AGGF1: variants seen among roughly 807,000 people sequenced by gnomAD.
AGGF1 encodes angiogenic factor with G patch and FHA domains 1.
AGGF1 carries 56 observed loss-of-function variants against 86.5 expected under a neutral mutation model. The ratio of observed to expected loss-of-function variants is 0.65; its 90% CI spans 0.52 to 0.81. AGGF1 has a LOEUF of 0.81. Ranked by LOEUF, AGGF1 falls within the 30% of genes least tolerant of loss-of-function variation. The pLI is 0.00. For missense variants in AGGF1, 816 were observed against 850.9 expected (o/e 0.96, Z 0.51); for synonymous variants, 313 against 297.1 (o/e 1.05, Z -0.55).
chr5:77,042,191 A>G (rs1311596611), intron 5 of AGGF1, among the ~76,000 whole-genome samples: 2 of 148,838 alleles, frequency 1.3e-5, no homozygotes, highest in African/African-American at 2.5e-5. Context: ...GAACAAAATG[A>G]AGTCTCCCAT....
In AGGF1 at chr5:77,064,133, T is replaced by C. The variant is rs1742739963; in HGVS notation, c.*881T>C. 1 of 152,656 alleles carries C rather than the reference T, an allele frequency of 6.6e-6. No individual in the cohort carries two copies. The highest frequency in any genetic ancestry group is 1.5e-5 in the Non-Finnish European group (1 of 68,046). 9.5% of individuals were successfully genotyped at this position (152,656 alleles called of 1,614,324 possible). On this transcript the variant is annotated 3_prime_UTR_variant, in exon 14 of 14. Coordinates refer to ENST00000312916, the MANE Select transcript of AGGF1 (RefSeq NM_018046.5). ...TGAACCGGTGATTTAAATGTATTGA[T>C]CTGCTTTGAATTTTCAAGCAGCCAG... is the stretch of plus-strand genomic sequence containing the variant.
At chr5:77,054,190 C>G (rs1307477759) in intron 10 of AGGF1, 60 bp downstream of exon 10, 1 of 1,595,578 alleles carries the variant, frequency 6.3e-7, no homozygotes. Flanking sequence ...CCTAAATGTT[C>G]TAAAAAACAT....
intron 11 of AGGF1, among the ~76,000 whole-genome samples, chr5:77,058,908 A>G (rs1049240171): frequency 6.6e-6 from 1 of 152,204 alleles, no homozygotes; most frequent in African/African-American, 2.4e-5. Context: ...TCCATTACCT[A>G]GCATGGAGCT....
At position 77,034,513 on chromosome 5, in the gene AGGF1, A is replaced by C; in HGVS notation, c.306A>C (p.Ser102=). 1 of 1,604,444 alleles carries C rather than the reference A, an allele frequency of 6.2e-7. No individual in the cohort carries two copies. The highest frequency in any genetic ancestry group is 2.2e-5 in the East Asian group (1 of 44,724). Residue 102 remains serine, a synonymous_variant, in exon 2 of 14, where the codon TCA becomes TCC. Coordinates refer to ENST00000312916, the MANE Select transcript of AGGF1 (RefSeq NM_018046.5). ...EVQTENHAPW[S]ISDYFYQTYY... Reference sequence around the variant, plus strand: ...AAACAGAGAACCATGCTCCTTGGTCAATCTCAGGTATTTAGCTTATAGTGA... The same window carrying C: ...AAACAGAGAACCATGCTCCTTGGTCCATCTCAGGTATTTAGCTTATAGTGA...
chr5:77,056,226 CT>C (rs770417117), intron 11 of AGGF1, among the ~76,000 whole-genome samples: 103 of 104,504 alleles, frequency 9.9e-4, no homozygotes, highest in South Asian at 3.9e-3. Context: ...AAAGAGTGGT[CT>C]TTTTTTTTTT....
At chr5:77,047,575 G>A (rs1027747227) in intron 6 of AGGF1, among the ~76,000 whole-genome samples, 7 of 150,608 alleles carry the variant, frequency 4.6e-5, no homozygotes, top group East Asian at 2.0e-4. Flanking sequence ...GTGCAGTGGC[G>A]CAGTCTCGGC....
At chr5:77,059,550 A>G in intron 11 of AGGF1, 66 bp from the exon 12 acceptor site, 2 of 1,384,228 alleles carry the variant, frequency 1.4e-6, no homozygotes, top group Non-Finnish European at 2.0e-6. Context: ...TAAGTAAGGC[A>G]CATGTACAGA....
chr5:77,035,845 A>G, intron 3 of AGGF1, 102 bp downstream of exon 3: 3 of 995,572 alleles, frequency 3.0e-6, no homozygotes, highest in Non-Finnish European at 1.6e-6. Context: ...CACAGCATAT[A>G]TAAGGGTTAT....
chr5:77,039,071 T>A (rs1205265797), intron 4 of AGGF1, among the ~76,000 whole-genome samples: 1 of 152,132 alleles, frequency 6.6e-6, no homozygotes, highest in Non-Finnish European at 1.5e-5. Context: ...TTTTATGACA[T>A]TGAGAGGAGG....
Position 77,030,906 on chromosome 5 carries a change from A to G in AGGF1, c.140A>G (p.Glu47Gly), listed in dbSNP as rs375330027. Residue 47 changes from glutamate (E) to glycine (G), a missense_variant, in exon 1 of 14, where the codon GAG (glutamate) becomes GGG (glycine). Coordinates refer to ENST00000312916, the MANE Select transcript of AGGF1 (RefSeq NM_018046.5). ...RSCKRQVREI[E>G]KLLHHTERLY... ...TGCAAGCGGCAGGTGCGGGAGATCGAGAAGCTGCTGCATCACACAGAACGG... is the reference window on the plus strand; with the variant it reads ...TGCAAGCGGCAGGTGCGGGAGATCGGGAAGCTGCTGCATCACACAGAACGG... 39 of 1,613,282 alleles carry G rather than the reference A, an allele frequency of 2.4e-5. No individual in the cohort carries two copies. Among genetic ancestry groups the G allele is most frequent in the Non-Finnish European group, 3.1e-5 (36 of 1,180,008 alleles).
intron 3 of AGGF1, 90 bp downstream of exon 3, chr5:77,035,833 G>A (rs1372448457): frequency 3.7e-5 from 42 of 1,125,952 alleles, no homozygotes; most frequent in South Asian, 5.1e-5. Flanking sequence ...TCTTTGGTCC[G>A]TCACAGCATA....
intron 5 of AGGF1, among the ~76,000 whole-genome samples, chr5:77,043,985 G>C (rs1216549163): frequency 1.5e-5 from 2 of 129,170 alleles, no homozygotes; most frequent in Non-Finnish European, 3.3e-5. Context: ...GACAATGGGC[G>C]GCCGGGCAGA....
chr5:77,060,355 T>C (rs1164485669), intron 12 of AGGF1, among the ~76,000 whole-genome samples: 2 of 152,226 alleles, frequency 1.3e-5, no homozygotes, highest in African/African-American at 4.8e-5. Context: ...GAAGCCTAGA[T>C]TGGTAAGAAC....
Position 77,035,661 on chromosome 5 carries a change from T to C in AGGF1, c.434T>C (p.Val145Ala). 6.2e-7 allele frequency: 1 copy of C among 1,613,664 alleles called. No homozygotes were observed. Among genetic ancestry groups the C allele is most frequent in the Non-Finnish European group, 8.5e-7 (1 of 1,179,722 alleles). ...TTGAATTCTAAAGACCATTTACAAG[T>C]AGAAAATGATGCTTACCCTGGTACC... ...SILNSKDHLQ[V>A]ENDAYPGTDR... The change falls in exon 3 of 14, where the codon GTA becomes GCA. Residue 145 changes from valine (V) to alanine (A), a missense_variant. Transcript: ENST00000312916.
chr5:77,054,313 C>T (rs1384398976), intron 10 of AGGF1, among the ~76,000 whole-genome samples, 183 bp downstream of exon 10: 2 of 152,112 alleles, frequency 1.3e-5, no homozygotes, highest in African/African-American at 2.4e-5. Flanking sequence ...AGATATATTT[C>T]GTAAATATTA....
chr5:77,041,017 T>C (rs1747067670), intron 5 of AGGF1, among the ~76,000 whole-genome samples: 1 of 152,220 alleles, frequency 6.6e-6, no homozygotes, highest in East Asian at 1.9e-4. Flanking sequence ...CGTGAGCCAC[T>C]GTGCCAGCCA....
Position 77,046,684 on chromosome 5 carries a change from A to G in AGGF1, c.1201+7A>G, listed in dbSNP as rs1409155791. The G allele has an allele frequency of 5.0e-6, 8 of 1,612,494 alleles. No homozygotes were observed. The highest frequency in any genetic ancestry group is 6.8e-6 in the Non-Finnish European group (8 of 1,178,708). ...GAAGATAGTGAGGATGAAGGTGAGT[A>G]AATAATCATTATTTAAGTAAATAGC... On this transcript the variant is annotated splice_region_variant and intron_variant, in intron 6 of 13. Coordinates refer to ENST00000312916, the MANE Select transcript of AGGF1 (RefSeq NM_018046.5).
In AGGF1 at chr5:77,054,047, A is replaced by G. The variant is rs897385305; in HGVS notation, c.1550A>G (p.His517Arg). The G allele has an allele frequency of 2.5e-6, 4 of 1,614,054 alleles. No individual in the cohort carries two copies. The highest frequency in any genetic ancestry group is 3.4e-6 in the Non-Finnish European group (4 of 1,180,040). ...IGETVLSFHI[H>R]PGSDTCDGCE... ...GAAACTGTCTTATCCTTTCACATTCATCCTGGCAGTGATACCTGTGATGGC... is the reference window on the plus strand; with the variant it reads ...GAAACTGTCTTATCCTTTCACATTCGTCCTGGCAGTGATACCTGTGATGGC... Residue 517 changes from histidine to arginine, a missense_variant, in exon 10 of 14, where the codon CAT (histidine) becomes CGT (arginine). This residue lies in a region of AGGF1 where 565 missense variants were observed against 585.8 expected (regional missense o/e 0.96). Coordinates refer to ENST00000312916, the MANE Select transcript of AGGF1 (RefSeq NM_018046.5).
intron 9 of AGGF1, among the ~76,000 whole-genome samples, chr5:77,053,646 T>C (rs947561051): frequency 6.6e-6 from 1 of 152,196 alleles, no homozygotes; most frequent in Non-Finnish European, 1.5e-5. Context: ...TCTCTTAACA[T>C]TTCATCTTTT....
Sources: gnomAD v4.1 joint callset for allele counts (sites outside exome capture counted in the v4.1 genomes callset) on GRCh38, gnomAD v4.1.1 for gene constraint, gnomAD v4.1.1 regional missense constraint, MANE v1.5 for transcripts, NCBI Gene and HGNC (gene_info 2026-07-23, HGNC 2026-07-21) for gene names.